The following CTNND2 variants were observed in gnomAD, a reference collection of about 807,000 sequenced individuals.
CTNND2 encodes the protein catenin delta-2.
A neutral mutation model predicts 144.4 loss-of-function variants in CTNND2; 22 were observed. The ratio of observed to expected loss-of-function variants is 0.15; its 90% CI spans 0.11 to 0.22. The LOEUF is 0.22. Among genes scored for constraint, CTNND2 ranks in the 10% least tolerant of loss-of-function variants. The pLI is 1.00. For missense variants in CTNND2, 1,353 were observed against 1,618.8 expected, an observed-to-expected ratio of 0.84 and a Z score of 2.82; for synonymous variants, 751 against 695.6, an observed-to-expected ratio of 1.08 and a Z score of -1.25.
intron 12 of CTNND2, among the ~76,000 whole-genome samples, chr5:11,143,936 G>T (rs1005533365): frequency 6.6e-6 from 1 of 150,902 alleles, no homozygotes; most frequent in Non-Finnish European, 1.5e-5. Context: ...CTACCATAGG[G>T]GCTTGTCCCC....
intron 15 of CTNND2, among the ~76,000 whole-genome samples, chr5:11,094,143 C>G (rs951205394): frequency 6.6e-6 from 1 of 152,180 alleles, no homozygotes; most frequent in Non-Finnish European, 1.5e-5. Flanking sequence ...TGAGAACTAT[C>G]CCATTATCTA....
At chr5:10,983,283 T>C (rs1418740430) in intron 20 of CTNND2, among the ~76,000 whole-genome samples, 1 of 152,110 alleles carries the variant, frequency 6.6e-6, no homozygotes, top group African/African-American at 2.4e-5. Flanking sequence ...ACAACTATTA[T>C]GTATTCATAA....
chr5:11,005,982 A>AGAT (rs1237573473), intron 18 of CTNND2, among the ~76,000 whole-genome samples: 1 of 152,174 alleles, frequency 6.6e-6, no homozygotes, highest in African/African-American at 2.4e-5. Context: ...AATTGTCTTA[A>AGAT]GATGGTAGTG....
chr5:11,242,442 A>G (rs1040184869), intron 9 of CTNND2, among the ~76,000 whole-genome samples: 2 of 152,210 alleles, frequency 1.3e-5, no homozygotes, highest in African/African-American at 4.8e-5. Context: ...TAAAACAGTG[A>G]TTTTTAAAAG....
intron 16 of CTNND2, among the ~76,000 whole-genome samples, chr5:11,056,832 T>C (rs1239610200): frequency 6.6e-6 from 1 of 152,228 alleles, no homozygotes; most frequent in Non-Finnish European, 1.5e-5. Flanking sequence ...CAGCCTGGGC[T>C]GTGTATCAGA....
chr5:11,440,539 T>C (rs1408802018), intron 3 of CTNND2, among the ~76,000 whole-genome samples: 2 of 152,192 alleles, frequency 1.3e-5, no homozygotes, highest in African/African-American at 4.8e-5. Context: ...TAAGAATAGA[T>C]TGACTATAAA....
intron 3 of CTNND2, among the ~76,000 whole-genome samples, chr5:11,550,987 C>A (rs567172102): frequency 6.6e-6 from 1 of 152,230 alleles, no homozygotes; most frequent in South Asian, 2.1e-4. Flanking sequence ...CTCTGGAAGC[C>A]CTCGTTACCT....
chr5:11,625,723 T>C (rs1781119794), intron 2 of CTNND2, among the ~76,000 whole-genome samples: 1 of 152,100 alleles, frequency 6.6e-6, no homozygotes, highest in Admixed American at 6.6e-5. Context: ...GATACAGGAC[T>C]TGTCTCCAAT....
At chr5:11,699,167 C>T (rs1238239883) in intron 2 of CTNND2, among the ~76,000 whole-genome samples, 1 of 152,012 alleles carries the variant, frequency 6.6e-6, no homozygotes, top group African/African-American at 2.4e-5. Context: ...ACAGGTTTGC[C>T]ACACTCAATC....
intron 1 of CTNND2, among the ~76,000 whole-genome samples, chr5:11,842,314 T>C (rs1254489985): frequency 6.6e-6 from 1 of 152,154 alleles, no homozygotes; most frequent in Non-Finnish European, 1.5e-5. Context: ...GGGCTGAATA[T>C]AGTAAGACGT....
At chr5:11,382,538 C>G (rs1419271788) in intron 7 of CTNND2, among the ~76,000 whole-genome samples, 1 of 151,356 alleles carries the variant, frequency 6.6e-6, no homozygotes, top group Non-Finnish European at 1.5e-5. Context: ...ATGGATGTTG[C>G]AGTGAGCCGA....
At chr5:11,378,160 C>A (rs560913657) in intron 7 of CTNND2, among the ~76,000 whole-genome samples, 3 of 152,256 alleles carry the variant, frequency 2.0e-5, no homozygotes, top group East Asian at 3.9e-4. Flanking sequence ...TTGGTGGAAG[C>A]AGGAAATGGC....
chr5:11,211,439 C>A (rs1406825839), intron 10 of CTNND2, among the ~76,000 whole-genome samples: 1 of 152,346 alleles, frequency 6.6e-6, no homozygotes, highest in Non-Finnish European at 1.5e-5. Context: ...ACCACAGCAG[C>A]TTTTGACTGA....
intron 2 of CTNND2, among the ~76,000 whole-genome samples, chr5:11,709,150 A>T (rs904995297): frequency 6.6e-6 from 1 of 152,188 alleles, no homozygotes; most frequent in Non-Finnish European, 1.5e-5. Context: ...TATGTGTCAG[A>T]GCTATGCCTG....
chr5:11,899,306 T>C (rs868027018), intron 1 of CTNND2, among the ~76,000 whole-genome samples: 2 of 152,234 alleles, frequency 1.3e-5, no homozygotes, highest in African/African-American at 4.8e-5. Context: ...ACAACATTAA[T>C]CTTTGTAGAA....
At chr5:11,840,821 T>A (rs1476617447) in intron 1 of CTNND2, among the ~76,000 whole-genome samples, 1 of 152,178 alleles carries the variant, frequency 6.6e-6, no homozygotes, top group Non-Finnish European at 1.5e-5. Flanking sequence ...TACCCAAAAA[T>A]CTGACTGCCC....
intron 2 of CTNND2, among the ~76,000 whole-genome samples, chr5:11,688,012 C>T (rs1326152255): frequency 1.3e-5 from 2 of 152,120 alleles, no homozygotes; most frequent in Non-Finnish European, 2.9e-5. Context: ...AGATCAATGA[C>T]TGGAACCGAA....
intron 5 of CTNND2, among the ~76,000 whole-genome samples, chr5:11,404,600 T>TA: frequency 1.6e-5 from 2 of 125,360 alleles, no homozygotes; most frequent in Non-Finnish European, 3.3e-5. Context: ...AGTATCTGTA[T>TA]TCTTTTTTTT....
chr5:11,543,757 C>T (rs1050354090), intron 3 of CTNND2, among the ~76,000 whole-genome samples: 6 of 152,008 alleles, frequency 3.9e-5, no homozygotes, highest in Non-Finnish European at 7.4e-5. Flanking sequence ...CAGAAGAGTC[C>T]TTACTCATGT....
Sources: gnomAD v4.1 joint callset for allele counts (sites outside exome capture counted in the v4.1 genomes callset) on GRCh38, gnomAD v4.1.1 for gene constraint, MANE v1.5 for transcripts, NCBI Gene and HGNC (gene_info 2026-07-23, HGNC 2026-07-21) for gene names.